Variants in CELF2 observed in about 807,000 individuals in gnomAD.
The protein encoded by CELF2 is CUG triplet repeat RNA-binding protein 2.
Under a neutral mutation model 62.6 loss-of-function variants are expected in CELF2, and 8 were observed. The observed-to-expected ratio is 0.13, with a 90% CI of 0.07 to 0.23. CELF2 has a LOEUF of 0.23. CELF2 is among the 10% of genes least tolerant of loss of function. The pLI is 1.00. For missense variants in CELF2, 333 were observed against 671.0 expected (o/e 0.50, Z 5.56); for synonymous variants, 258 against 250.0 (o/e 1.03, Z -0.30).
chr10:10,513,216 T>C, the CELF2 span, among the ~76,000 whole-genome samples: 1 of 152,208 alleles, frequency 6.6e-6, no homozygotes. Flanking sequence ...TTTTTTTTAT[T>C]GTTATGAACA....
At chr10:10,650,066 G>A in the CELF2 span, among the ~76,000 whole-genome samples, 2 of 152,150 alleles carry the variant, frequency 1.3e-5, no homozygotes, top group South Asian at 2.1e-4. Context: ...ATCAGGAAAC[G>A]TTCAGACTAT....
intron 2 of CELF2, among the ~76,000 whole-genome samples, chr10:11,192,700 G>A (rs567712560): frequency 5.3e-5 from 8 of 152,208 alleles, no homozygotes; most frequent in Non-Finnish European, 8.8e-5. Context: ...CCCTCACAGA[G>A]TTCTTTTCAC....
chr10:10,914,099 G>C (rs1000805124), intron 1 of CELF2, among the ~76,000 whole-genome samples: 2 of 148,510 alleles, frequency 1.3e-5, no homozygotes, highest in Non-Finnish European at 3.0e-5. Context: ...TTTAGGACAG[G>C]CAATACAAAT....
chr10:10,573,356 G>C, the CELF2 span, among the ~76,000 whole-genome samples: 1 of 152,108 alleles, frequency 6.6e-6, no homozygotes, highest in Non-Finnish European at 1.5e-5. Context: ...TCTTTAATTA[G>C]ATCCTATTTG....
the CELF2 span, among the ~76,000 whole-genome samples, chr10:10,665,345 A>C: frequency 2.0e-5 from 3 of 152,230 alleles, no homozygotes; most frequent in Non-Finnish European, 4.4e-5. Flanking sequence ...CAAATCCATA[A>C]TATGCATAAA....
the CELF2 span, among the ~76,000 whole-genome samples, chr10:10,623,004 T>C: frequency 1.4e-5 from 2 of 139,960 alleles, no homozygotes; most frequent in African/African-American, 2.7e-5. Flanking sequence ...GAGAATGGCC[T>C]GAACCCGGGA....
At chr10:10,800,902 TC>T (rs1172036137) in intron 1 of CELF2, among the ~76,000 whole-genome samples, 3 of 152,172 alleles carry the variant, frequency 2.0e-5, no homozygotes, top group Non-Finnish European at 4.4e-5. Context: ...CTGAAACACT[TC>T]CTACAAGTGC....
In CELF2 at chr10:11,336,277, CTGT is replaced by C. The variant is rs746173528; in HGVS notation, c.*7232_*7234del. 3.3e-5 allele frequency: 5 copies of C among 152,788 alleles called. No homozygotes were observed. In the East Asian group the frequency reaches 9.6e-4, roughly 29 times the overall value. 9.5% of individuals were successfully genotyped at this position (152,788 alleles called of 1,614,324 possible). On this transcript the variant is annotated 3_prime_UTR_variant, in exon 13 of 13. Coordinates refer to ENST00000633077, the MANE Select transcript of CELF2 (RefSeq NM_001326342.2). This position sits in a 1 kb window ranked among gnomAD's most constrained non-coding sequence, Gnocchi z 5.4. ...AGGAATCGACTGTTCTGCTAATTTG[CTGT>C]TGTTGTTTTTCATCTCTGTTGTAGT...
chr10:10,590,991 A>G, the CELF2 span, among the ~76,000 whole-genome samples: 89 of 152,196 alleles, frequency 5.8e-4, no homozygotes, highest in Admixed American at 3.7e-3. Flanking sequence ...AATAAAGTAG[A>G]CCTTCTCACT....
Position 11,018,032 on chromosome 10 carries a change from G to T in CELF2, c.-58G>T, listed in dbSNP as rs2057553046. 2.6e-6 allele frequency: 3 copies of T among 1,135,924 alleles called. No individual in the cohort carries two copies. The highest frequency in any genetic ancestry group is 3.2e-5 in the South Asian group (1 of 31,586). The allele number at this position is 1,135,924 out of a possible 1,614,324, so 70.4% of individuals were successfully genotyped here. ...CCCTGCCCGTCTCGCGCCGCCCGCGGCCGCTCGGACGCGCGCAGAGCCGCC... is the reference window on the plus strand; with the variant it reads ...CCCTGCCCGTCTCGCGCCGCCCGCGTCCGCTCGGACGCGCGCAGAGCCGCC... On this transcript the variant is annotated 5_prime_UTR_variant, in exon 1 of 13. Coordinates refer to ENST00000633077, the MANE Select transcript of CELF2 (RefSeq NM_001326342.2).
At chr10:10,694,426 T>A in the CELF2 span, among the ~76,000 whole-genome samples, 1 of 151,818 alleles carries the variant, frequency 6.6e-6, no homozygotes, top group Non-Finnish European at 1.5e-5. Context: ...AGAGCTTTAC[T>A]TCCAAGTATG....
chr10:10,847,675 G>A (rs775130298), intron 1 of CELF2, among the ~76,000 whole-genome samples: 12 of 152,220 alleles, frequency 7.9e-5, no homozygotes, highest in Non-Finnish European at 1.6e-4. Flanking sequence ...CGTGTTCATT[G>A]TGCAGAGCAG....
chr10:10,466,339 A>G, the CELF2 span, among the ~76,000 whole-genome samples: 3 of 152,054 alleles, frequency 2.0e-5, no homozygotes, highest in Non-Finnish European at 4.4e-5. Flanking sequence ...TGGCTTTTTC[A>G]TTTTGCGTAC....
At chr10:10,726,707 C>T in the CELF2 span, among the ~76,000 whole-genome samples, 6 of 152,210 alleles carry the variant, frequency 3.9e-5, no homozygotes, top group African/African-American at 1.4e-4. Context: ...TCCTAGTTTC[C>T]TACCTTTATA....
chr10:10,536,362 T>C, the CELF2 span, among the ~76,000 whole-genome samples: 2 of 152,216 alleles, frequency 1.3e-5, no homozygotes, highest in Non-Finnish European at 2.9e-5. Flanking sequence ...TTACTTGATG[T>C]ACTTTCCACA....
chr10:11,174,054 G>C (rs2070030748), intron 2 of CELF2, among the ~76,000 whole-genome samples: 1 of 152,074 alleles, frequency 6.6e-6, no homozygotes, highest in African/African-American at 2.4e-5. Context: ...ATGTATATTA[G>C]GTATAATACT....
At chr10:11,202,392 G>T (rs1221360601) in intron 2 of CELF2, among the ~76,000 whole-genome samples, 1 of 152,208 alleles carries the variant, frequency 6.6e-6, no homozygotes, top group Non-Finnish European at 1.5e-5. Flanking sequence ...GGATGGAAAA[G>T]TTGTCCCCGA....
At chr10:11,312,211 T>C (rs2094596100) in intron 9 of CELF2, among the ~76,000 whole-genome samples, 1 of 152,194 alleles carries the variant, frequency 6.6e-6, no homozygotes. Context: ...AGATGTAATT[T>C]TCATACAAAC....
chr10:10,792,534 A>G, the CELF2 span: 4 of 397,764 alleles, frequency 1.0e-5, no homozygotes, highest in Non-Finnish European at 1.8e-5. Context: ...TCCTGTTTGT[A>G]AGCACACAAA....
Sources: allele counts gnomAD v4.1 joint callset (sites outside exome capture counted in the v4.1 genomes callset), GRCh38; gene constraint gnomAD v4.1.1; non-coding constraint Gnocchi (gnomAD v3.1); transcripts MANE v1.5; gene names NCBI Gene and HGNC (gene_info 2026-07-23, HGNC 2026-07-21).